Variants in DTNB observed in about 807,000 individuals in gnomAD.
DTNB encodes dystrobrevin beta.
DTNB carries 63 observed loss-of-function variants against 90.7 expected under a neutral mutation model. The ratio of observed to expected loss-of-function variants is 0.69; its 90% CI spans 0.57 to 0.86. The LOEUF (loss-of-function observed/expected upper bound fraction) is 0.86. Among genes scored for constraint, DTNB ranks in the 40% least tolerant of loss-of-function variants. The pLI is 0.00. For missense variants in DTNB, 744 were observed against 807.1 expected, an observed-to-expected ratio of 0.92 and a Z score of 0.95; for synonymous variants, 277 against 286.7, an observed-to-expected ratio of 0.97 and a Z score of 0.34.
At chr2:25,470,809 C>T (rs2062657573) in intron 10 of DTNB, among the ~76,000 whole-genome samples, 1 of 152,146 alleles carries the variant, frequency 6.6e-6, no homozygotes, top group Non-Finnish European at 1.5e-5. Flanking sequence ...ATGGGGCAAG[C>T]AATGTTACTC....
chr2:25,425,640 T>A (rs1004594280), intron 15 of DTNB, among the ~76,000 whole-genome samples: 6 of 152,232 alleles, frequency 3.9e-5, no homozygotes, highest in Non-Finnish European at 8.8e-5. Context: ...ATCACAAGAT[T>A]AAATTCACTC....
At chr2:25,391,045 C>T (rs1222878453) in intron 16 of DTNB, among the ~76,000 whole-genome samples, 6 of 151,854 alleles carry the variant, frequency 4.0e-5, no homozygotes, top group South Asian at 2.1e-4. Context: ...TACAGGTGCC[C>T]GTCACCACTC....
At chr2:25,414,342 C>T (rs546077001) in intron 16 of DTNB, among the ~76,000 whole-genome samples, 48 of 152,206 alleles carry the variant, frequency 3.2e-4, no homozygotes, top group Middle Eastern at 3.4e-3. Context: ...CTGTGAGCTC[C>T]GCCTCCTGGG....
chr2:25,377,623 A>G (rs953906305), intron 20 of DTNB, 70 bp from the exon 21 acceptor site: 1 of 152,514 alleles, frequency 6.6e-6, no homozygotes, highest in Non-Finnish European at 1.5e-5. Context: ...GCTAACATCT[A>G]CTGTGAACAG....
At chr2:25,574,806 G>T (rs1248357311) in intron 8 of DTNB, among the ~76,000 whole-genome samples, 1 of 152,072 alleles carries the variant, frequency 6.6e-6, no homozygotes, top group Non-Finnish European at 1.5e-5. Context: ...AAAAATTTAA[G>T]TCTCTTTAAC....
intron 10 of DTNB, among the ~76,000 whole-genome samples, chr2:25,468,889 A>C (rs1243984248): frequency 6.6e-6 from 1 of 152,248 alleles, no homozygotes; most frequent in African/African-American, 2.4e-5. Context: ...AGTTCAATGT[A>C]GTCACAGTTG....
At chr2:25,649,613 G>A (rs890655696) in intron 2 of DTNB, among the ~76,000 whole-genome samples, 25 of 152,140 alleles carry the variant, frequency 1.6e-4, no homozygotes, top group Admixed American at 1.6e-3. Flanking sequence ...CAGATACTCA[G>A]AAGGCTGAGG....
chr2:25,531,648 G>A (rs2078226367), intron 8 of DTNB, 51 bp from the exon 9 acceptor site: 2 of 1,557,410 alleles, frequency 1.3e-6, no homozygotes, highest in East Asian at 2.3e-5. Flanking sequence ...AAGAATGAAA[G>A]GAACTTCAAA....
At chr2:25,593,892 T>C (rs895737430) in intron 6 of DTNB, among the ~76,000 whole-genome samples, 2 of 152,170 alleles carry the variant, frequency 1.3e-5, no homozygotes, top group Non-Finnish European at 2.9e-5. Context: ...CCCATTCCAA[T>C]ACCATTTTGC....
rs117936030 is a variant in DTNB at position 25,443,341 on chromosome 2, T to A, written c.1257+8207A>T. 9.9e-5 allele frequency among the ~76,000 whole-genome samples: 15 copies of A among 152,278 alleles called. 1 individual carries two copies. In the East Asian group the frequency reaches 2.9e-3, roughly 29 times the overall value. Reference sequence around the variant, plus strand: ...ACAGGAGCATTCTCTCAGGTTCAGGTGGACTCACAGAGCTCCATCATCTTA... The same window carrying A: ...ACAGGAGCATTCTCTCAGGTTCAGGAGGACTCACAGAGCTCCATCATCTTA... On this transcript the variant is annotated intron_variant, in intron 12 of 20. Transcript: ENST00000406818.
chr2:25,658,347 C>T (rs954068662), intron 1 of DTNB, among the ~76,000 whole-genome samples: 2 of 151,968 alleles, frequency 1.3e-5, no homozygotes, highest in South Asian at 2.1e-4. Context: ...CAAGCAGTCA[C>T]GATGTGAGAA....
intron 8 of DTNB, among the ~76,000 whole-genome samples, chr2:25,534,683 T>G (rs2079009087): frequency 7.4e-6 from 1 of 134,820 alleles, no homozygotes; most frequent in Non-Finnish European, 1.6e-5. Context: ...ACAGAGGCAC[T>G]CCTCACCTCC....
At chr2:25,642,625 T>G (rs1185316796) in intron 2 of DTNB, among the ~76,000 whole-genome samples, 23 of 152,020 alleles carry the variant, frequency 1.5e-4, no homozygotes, top group Admixed American at 1.2e-3. Context: ...TTGCCCAGGC[T>G]GGTCTTGAAC....
At chr2:25,527,074 T>C (rs1227407307) in intron 9 of DTNB, among the ~76,000 whole-genome samples, 2 of 152,106 alleles carry the variant, frequency 1.3e-5, no homozygotes. Flanking sequence ...TTGGGAAATA[T>C]TTAGAAGTAA....
At chr2:25,569,515 C>T (rs1024503213) in intron 8 of DTNB, among the ~76,000 whole-genome samples, 2 of 152,164 alleles carry the variant, frequency 1.3e-5, no homozygotes, top group African/African-American at 4.8e-5. Context: ...ATGCCTAGAT[C>T]AACCCCTTCC....
chr2:25,547,411 G>A (rs2082678009), intron 8 of DTNB, among the ~76,000 whole-genome samples: 2 of 143,344 alleles, frequency 1.4e-5, no homozygotes, highest in African/African-American at 2.6e-5. Context: ...TGCAACCTCC[G>A]CCTCCCGATT....
chr2:25,613,953 G>A (rs751347516), intron 4 of DTNB, among the ~76,000 whole-genome samples: 18 of 152,046 alleles, frequency 1.2e-4, no homozygotes, highest in Non-Finnish European at 2.1e-4. Flanking sequence ...GCAAGACTCC[G>A]TCTCTAAATA....
At chr2:25,631,412 A>C (rs1184081044) in intron 3 of DTNB, among the ~76,000 whole-genome samples, 2 of 151,928 alleles carry the variant, frequency 1.3e-5, no homozygotes, top group African/African-American at 4.8e-5. Flanking sequence ...CTCCACAAAA[A>C]ATTTTTTTTA....
At chr2:25,447,968 T>C (rs1047527112) in intron 12 of DTNB, among the ~76,000 whole-genome samples, 2 of 152,194 alleles carry the variant, frequency 1.3e-5, no homozygotes, top group Non-Finnish European at 2.9e-5. Context: ...GGGGTGGCAG[T>C]AGTAGTGACA....
Sources: allele counts gnomAD v4.1 joint callset (sites outside exome capture counted in the v4.1 genomes callset), GRCh38; gene constraint gnomAD v4.1.1; transcripts MANE v1.5; gene names NCBI Gene and HGNC (gene_info 2026-07-23, HGNC 2026-07-21).